Variants in LDAH observed in about 807,000 individuals in gnomAD.
LDAH encodes the protein lipid droplet-associated hydrolase.
LDAH carries 26 observed loss-of-function variants against 29.6 expected under a neutral mutation model. The ratio of observed to expected loss-of-function variants is 0.88; its 90% CI spans 0.64 to 1.22. The LOEUF is 1.22. Ranked by LOEUF, LDAH falls within the 50% of genes most tolerant of loss-of-function variation. The pLI is 0.00. For synonymous variants in LDAH, 117 were observed against 133.0 expected (o/e 0.88, Z 0.83); for missense variants, 344 against 387.3 (o/e 0.89, Z 0.94).
At chr2:20,741,741 T>G (rs903079186) in intron 4 of LDAH, among the ~76,000 whole-genome samples, 1 of 152,228 alleles carries the variant, frequency 6.6e-6, no homozygotes, top group African/African-American at 2.4e-5. Context: ...TTCCTGTGTC[T>G]GGTTTATTTC....
chr2:20,779,847 C>A (rs1318005280), intron 3 of LDAH, among the ~76,000 whole-genome samples: 1 of 152,096 alleles, frequency 6.6e-6, no homozygotes. Flanking sequence ...ATATCTTACA[C>A]CTATTTTGTA....
chr2:20,771,243 ATAAT>A (rs1341434460), intron 4 of LDAH, among the ~76,000 whole-genome samples: 2 of 152,184 alleles, frequency 1.3e-5, no homozygotes, highest in African/African-American at 4.8e-5. Context: ...CAAGTTGCCT[ATAAT>A]TAGTTATGAA....
At chr2:20,727,268 C>A (rs1414632582) in intron 5 of LDAH, among the ~76,000 whole-genome samples, 7 of 152,142 alleles carry the variant, frequency 4.6e-5, no homozygotes, top group African/African-American at 1.7e-4. Flanking sequence ...TTTTCATAAG[C>A]TGCTCAGATA....
chr2:20,741,982 C>T (rs1369183951), intron 4 of LDAH, among the ~76,000 whole-genome samples: 1 of 152,192 alleles, frequency 6.6e-6, no homozygotes, highest in Non-Finnish European at 1.5e-5. Flanking sequence ...GATCCTGGCT[C>T]ATTGCAGCAT....
At chr2:20,770,980 G>A (rs921124635) in intron 4 of LDAH, among the ~76,000 whole-genome samples, 1 of 152,108 alleles carries the variant, frequency 6.6e-6, no homozygotes, top group Admixed American at 6.6e-5. Flanking sequence ...GTTTATTATT[G>A]TAAGTCATGA....
At chr2:20,785,012 T>C (rs930673119) in intron 3 of LDAH, among the ~76,000 whole-genome samples, 1 of 152,262 alleles carries the variant, frequency 6.6e-6, no homozygotes, top group African/African-American at 2.4e-5. Flanking sequence ...TATAACATGA[T>C]TGACATTCAT....
intron 4 of LDAH, among the ~76,000 whole-genome samples, chr2:20,743,125 C>T (rs72784354): frequency 0.015 from 2,322 of 152,036 alleles, 36 homozygotes; most frequent in South Asian, 0.05. Flanking sequence ...TAATATAGAC[C>T]ACATTTGTCA....
chr2:20,804,249 T>C (rs900209612), intron 1 of LDAH, among the ~76,000 whole-genome samples: 3 of 152,224 alleles, frequency 2.0e-5, no homozygotes, highest in Admixed American at 6.5e-5. Flanking sequence ...GGCTAGGTTG[T>C]AGTGAAATGG....
intron 6 of LDAH, among the ~76,000 whole-genome samples, chr2:20,695,622 G>A (rs1470799361): frequency 6.6e-6 from 1 of 151,870 alleles, no homozygotes; most frequent in Non-Finnish European, 1.5e-5. Context: ...GCTAATATTT[G>A]TATTTTTAGT....
At chr2:20,809,962 A>C (rs1672360720) in intron 1 of LDAH, among the ~76,000 whole-genome samples, 2 of 152,338 alleles carry the variant, frequency 1.3e-5, no homozygotes, top group South Asian at 4.1e-4. Context: ...CATACTTAAG[A>C]AAATAAAGTG....
chr2:20,693,630 C>T (rs771503818), intron 6 of LDAH, among the ~76,000 whole-genome samples: 2 of 152,200 alleles, frequency 1.3e-5, no homozygotes, highest in Non-Finnish European at 2.9e-5. Flanking sequence ...CCTACTTTTC[C>T]TCATAAAGGA....
At chr2:20,764,586 G>A (rs770574925) in intron 4 of LDAH, among the ~76,000 whole-genome samples, 4 of 152,126 alleles carry the variant, frequency 2.6e-5, no homozygotes, top group Non-Finnish European at 5.9e-5. Context: ...ATTTCTCTCA[G>A]TTCTCTCTGA....
intron 3 of LDAH, among the ~76,000 whole-genome samples, chr2:20,782,448 A>T (rs1558473705): frequency 6.6e-6 from 1 of 152,066 alleles, no homozygotes; most frequent in African/African-American, 2.4e-5. Flanking sequence ...TCTATTGAGA[A>T]TTTTTGCATG....
At chr2:20,818,576 T>TC (rs1246104139) in intron 1 of LDAH, among the ~76,000 whole-genome samples, 1 of 152,140 alleles carries the variant, frequency 6.6e-6, no homozygotes, top group Admixed American at 6.6e-5. Flanking sequence ...ACTGCTTTTT[T>TC]TTTTTGCTTC....
intron 4 of LDAH, among the ~76,000 whole-genome samples, chr2:20,773,211 A>C (rs961691633): frequency 2.0e-4 from 30 of 152,180 alleles, no homozygotes; most frequent in African/African-American, 7.0e-4. Flanking sequence ...CCTCACAAAA[A>C]TACTTTGAAG....
chr2:20,772,485 C>T (rs1333635379), intron 4 of LDAH, among the ~76,000 whole-genome samples: 1 of 152,170 alleles, frequency 6.6e-6, no homozygotes, highest in Non-Finnish European at 1.5e-5. Flanking sequence ...TTCTTGACTG[C>T]ACAACACACA....
intron 4 of LDAH, among the ~76,000 whole-genome samples, chr2:20,747,044 T>G: frequency 6.6e-6 from 1 of 152,138 alleles, no homozygotes. Context: ...GTAATCATTT[T>G]TTAGAAAAGG....
intron 5 of LDAH, among the ~76,000 whole-genome samples, chr2:20,730,854 C>T (rs115501314): frequency 0.029 from 4,378 of 152,234 alleles, 227 homozygotes; most frequent in African/African-American, 0.1. Flanking sequence ...GTTGGGCACA[C>T]TTGTGTGGGT....
Position 20,701,620 on chromosome 2 carries a change from TC to T in LDAH, c.735del (p.Met245IlefsTer5). 6.2e-7 allele frequency: 1 copy of T among 1,614,084 alleles called. No individual in the cohort carries two copies. Among genetic ancestry groups the T allele is most frequent in the Non-Finnish European group, 8.5e-7 (1 of 1,179,994 alleles). On this transcript the variant is annotated frameshift_variant, in exon 6 of 7. Transcript: ENST00000237822. LOFTEE classifies it high-confidence loss of function. ...ANAAYLGGQE[M>X]MEVVKRDDET... is the part of the protein sequence containing the mutation. ...TCGTCATCTCTCTTCACCACCTCCATCATTTCTTGGCCCCCAAGGTAGGCAG... is the reference window on the plus strand; with the variant it reads ...TCGTCATCTCTCTTCACCACCTCCATATTTCTTGGCCCCCAAGGTAGGCAG...
Sources: gnomAD v4.1 joint callset for allele counts (sites outside exome capture counted in the v4.1 genomes callset) on GRCh38, gnomAD v4.1.1 for gene constraint, MANE v1.5 for transcripts, NCBI Gene and HGNC (gene_info 2026-07-23, HGNC 2026-07-21) for gene names.